The following KCNG4 variants were observed in gnomAD, a reference collection of about 807,000 sequenced individuals.
The protein encoded by KCNG4 is potassium voltage-gated channel modifier subfamily G member 4.
Under a neutral mutation model 28.2 loss-of-function variants are expected in KCNG4, and 30 were observed. That is an observed-to-expected ratio of 1.06 (90% CI 0.80 to 1.44). The LOEUF is 1.44. Among genes scored for constraint, KCNG4 ranks in the 40% most tolerant of loss-of-function variants. The pLI is 0.00. For synonymous variants in KCNG4, 375 were observed against 315.5 expected, an observed-to-expected ratio of 1.19 and a Z score of -2.00; for missense variants, 879 against 712.3, an observed-to-expected ratio of 1.23 and a Z score of -2.66.
chr16:84,225,059 G>A (rs1339617524), intron 2 of KCNG4, among the ~76,000 whole-genome samples: 1 of 152,136 alleles, frequency 6.6e-6, no homozygotes, highest in East Asian at 1.9e-4. Flanking sequence ...TAACAGGACC[G>A]TGCACCTAGC....
intron 2 of KCNG4, among the ~76,000 whole-genome samples, chr16:84,233,991 G>A (rs1904883651): frequency 6.6e-6 from 1 of 152,168 alleles, no homozygotes; most frequent in South Asian, 2.1e-4. Flanking sequence ...TGCTGCCACA[G>A]GGATGAAATC....
chr16:84,222,832 C>T lies in KCNG4; in HGVS notation c.945G>A (p.Glu315=), dbSNP rs1385896843. 2 of 1,610,162 alleles carry T rather than the reference C, an allele frequency of 1.2e-6. No homozygotes were observed. Among genetic ancestry groups the T allele is most frequent in the African/African-American group, 2.7e-5 (2 of 74,868 alleles). Residue 315 remains glutamate, a synonymous_variant, in exon 3 of 3, where the codon GAG becomes GAA. Coordinates refer to ENST00000308251, the MANE Select transcript of KCNG4 (RefSeq NM_172347.3). ...TCGGCCTCTCGCCGTCCTCCGGGGG[C>T]TCCTCAGACACCGCCAGCGACACGT... The part of the protein sequence containing the change: ...PYYVSLAVSE[E]PPEDGERPSG...
At position 84,238,437 on chromosome 16, in the gene KCNG4, T is replaced by G. The variant is rs563968291; in HGVS notation, c.-40-912A>C. ...GGTCGCTTCCCCATTTGGGGAGGCC[T>G]TTGCTAAGGGGACGGAGGAGCATTG... is the stretch of plus-strand genomic sequence containing the variant. On this transcript the variant is annotated intron_variant, in intron 1 of 2. Transcript: ENST00000308251. Among the ~76,000 whole-genome samples the G allele has an allele frequency of 1.3e-3, 202 of 152,282 alleles. 1 individual carries two copies. Among genetic ancestry groups the G allele is most frequent in the African/African-American group, 4.6e-3 (191 of 41,560 alleles).
intron 2 of KCNG4, among the ~76,000 whole-genome samples, chr16:84,223,302 T>C: frequency 6.6e-6 from 1 of 151,572 alleles, no homozygotes; most frequent in Non-Finnish European, 1.5e-5. Context: ...TGGATCTAAC[T>C]CTTGCACACT....
chr16:84,222,859 G>A lies in KCNG4; in HGVS notation c.918C>T (p.Tyr306=). 1 of 1,612,512 alleles carries A rather than the reference G, an allele frequency of 6.2e-7. No individual in the cohort carries two copies. Among genetic ancestry groups the A allele is most frequent in the South Asian group, 1.1e-5 (1 of 90,932 alleles). The part of the protein sequence containing the change: ...NIIDILAISP[Y]YVSLAVSEEP... ...CCTCAGACACCGCCAGCGACACGTA[G>A]TATGGGGAGATGGCCAGGATGTCGA... Residue 306 remains tyrosine, a synonymous_variant, in exon 3 of 3, where the codon TAC becomes TAT. Coordinates refer to ENST00000308251, the MANE Select transcript of KCNG4 (RefSeq NM_172347.3).
intron 2 of KCNG4, among the ~76,000 whole-genome samples, chr16:84,228,533 A>C: frequency 6.2e-5 from 9 of 144,738 alleles, no homozygotes; most frequent in Admixed American, 6.9e-5. Flanking sequence ...CCCCTCCTTT[A>C]CTCCGCTCCC....
At position 84,218,749 on chromosome 16, in the gene KCNG4, A is replaced by T. The variant is rs921447706; in HGVS notation, c.*3468T>A. The T allele has an allele frequency of 6.6e-6, 1 of 152,242 alleles. No homozygotes were observed. Among genetic ancestry groups the T allele is most frequent in the Non-Finnish European group, 1.5e-5 (1 of 68,042 alleles). 9.4% of individuals were successfully genotyped at this position (152,242 alleles called of 1,614,324 possible). A position where few individuals can be genotyped will look rare whatever the true frequency, so the allele number is the denominator to read the frequency against. ...CAATTTTCCATGTCTAATTTAGCAG[A>T]GAATCTCAACTGGGTGAACATTAAG... On this transcript the variant is annotated 3_prime_UTR_variant, in exon 3 of 3. Transcript: ENST00000308251.
chr16:84,220,717 A>C lies in KCNG4; in HGVS notation c.*1500T>G, dbSNP rs1904537501. 6.6e-6 allele frequency: 1 copy of C among 152,248 alleles called. No individual in the cohort carries two copies. 9.4% of individuals were successfully genotyped at this position (152,248 alleles called of 1,614,324 possible). On this transcript the variant is annotated 3_prime_UTR_variant, in exon 3 of 3. Coordinates refer to ENST00000308251, the MANE Select transcript of KCNG4 (RefSeq NM_172347.3). The stretch of plus-strand genomic sequence containing the variant: ...GCCACTCTGGGGAAGTGCCATCAGG[A>C]TGTCTCCAAGGTGTGTCCTGCTGGG...
intron 2 of KCNG4, among the ~76,000 whole-genome samples, chr16:84,223,652 G>A (rs533897074): frequency 6.6e-6 from 1 of 152,270 alleles, no homozygotes; most frequent in South Asian, 2.1e-4. Context: ...GATGGCCCAG[G>A]AAGTTGGTCA....
intron 2 of KCNG4, among the ~76,000 whole-genome samples, chr16:84,228,824 G>A (rs1033807076): frequency 6.6e-6 from 1 of 152,254 alleles, no homozygotes; most frequent in Non-Finnish European, 1.5e-5. Flanking sequence ...GCTGAGGGAT[G>A]CTGCAGTGTA....
chr16:84,231,672 G>A (rs573808195), intron 2 of KCNG4, among the ~76,000 whole-genome samples: 12 of 152,268 alleles, frequency 7.9e-5, no homozygotes, highest in African/African-American at 2.6e-4. Flanking sequence ...GAGGTCCAGG[G>A]GTAGACGTGA....
In KCNG4 at chr16:84,237,022, G is replaced by A. The variant is rs998418423; in HGVS notation, c.464C>T (p.Ala155Val). ...CCGCAGGCAGCACCTCTCCAGGTGG[G>A]CCTCCTCGATGCCCCAGTAGGCCAG... is the stretch of plus-strand genomic sequence containing the variant. Reference protein sequence around the residue: ...EELAYWGIEEAHLERCCLRKL... With the variant: ...EELAYWGIEEVHLERCCLRKL... Residue 155 changes from alanine (A) to valine (V), a missense_variant, in exon 2 of 3, where the codon GCC (alanine) becomes GTC (valine). Ala to Val is a moderately conservative substitution (Grantham distance 64). Transcript: ENST00000308251. 1 of 1,613,748 alleles carries A rather than the reference G, an allele frequency of 6.2e-7. No individual in the cohort carries two copies. The highest frequency in any genetic ancestry group is 1.3e-5 in the African/African-American group (1 of 74,874).
Position 84,222,894 on chromosome 16 carries a change from G to T in KCNG4, c.883C>A (p.Leu295Met), listed in dbSNP as rs1275574436. 1 of 1,611,936 alleles carries T rather than the reference G, an allele frequency of 6.2e-7. No individual in the cohort carries two copies. Among genetic ancestry groups the T allele is most frequent in the South Asian group, 1.1e-5 (1 of 90,854 alleles). The change falls in exon 3 of 3, where the codon CTG becomes ATG. Residue 295 changes from leucine (L) to methionine (M), a missense_variant. Transcript: ENST00000308251. The part of the protein sequence containing the change: ...QDKCQFFQGP[L>M]NIIDILAISP... The stretch of plus-strand genomic sequence containing the variant: ...ATGGCCAGGATGTCGATGATGTTCA[G>T]GGGCCCCTGGAAGAACTGACACTTG...
intron 2 of KCNG4, among the ~76,000 whole-genome samples, chr16:84,225,614 C>T (rs958806726): frequency 6.6e-6 from 1 of 152,240 alleles, no homozygotes; most frequent in African/African-American, 2.4e-5. Context: ...TCTCCCTAGG[C>T]TTAAAATACT....
rs549034581 is a variant in KCNG4 at position 84,236,952 on chromosome 16, C to T, written c.534G>A (p.Leu178=). 9.9e-5 allele frequency: 159 copies of T among 1,613,530 alleles called. 1 individual carries two copies. The East Asian group carries it at 3.3e-3, about 33-fold the overall frequency. Residue 178 remains leucine, a synonymous_variant, in exon 2 of 3, where the codon CTG becomes CTA. Coordinates refer to ENST00000308251, the MANE Select transcript of KCNG4 (RefSeq NM_172347.3). ...KLEELEELAK[L]HREDVLRQQR... ...GCTGCCTCAGTACGTCCTCCCTGTG[C>T]AGCTTGGCCAGCTCCTCCAGCTCCT...
chr16:84,236,867 G>C lies in KCNG4; in HGVS notation c.619C>G (p.Leu207Val), dbSNP rs1904967421. Residue 207 changes from leucine to valine, a missense_variant, in exon 2 of 3, where the codon CTG becomes GTG. Physicochemically the swap from Leu to Val is conservative, Grantham distance 32. Coordinates refer to ENST00000308251, the MANE Select transcript of KCNG4 (RefSeq NM_172347.3). ...TGCGGGTTTTCCACCATCTCGCGCA[G>C]CCGGTTCATGCACAGGCCCCAGCGC... ...SSRWGLCMNR[L>V]REMVENPQSG... 6.2e-6 allele frequency: 10 copies of C among 1,613,588 alleles called. No homozygotes were observed. The highest frequency in any genetic ancestry group is 8.5e-6 in the Non-Finnish European group (10 of 1,180,018).
rs573590414 is a variant in KCNG4 at position 84,235,506 on chromosome 16, C to T, written c.756+1224G>A. 18 of 152,204 alleles carry T rather than the reference C, an allele frequency of 1.2e-4. No individual in the cohort carries two copies. In the East Asian group the frequency reaches 2.7e-3, roughly 23 times the overall value. The allele number at this position is 152,204 out of a possible 1,614,324, so 9.4% of individuals were successfully genotyped here. A position where few individuals can be genotyped will look rare whatever the true frequency, so the allele number is the denominator to read the frequency against. On this transcript the variant is annotated intron_variant, in intron 2 of 2. Coordinates refer to ENST00000308251, the MANE Select transcript of KCNG4 (RefSeq NM_172347.3). ...TGGGAAAACAAGCTGTTTAAAGGTC[C>T]AAATATTTTGTGGGTTTTTTTAGGG...
chr16:84,235,013 G>C (rs1041347183), intron 2 of KCNG4, among the ~76,000 whole-genome samples: 2 of 152,118 alleles, frequency 1.3e-5, no homozygotes, highest in Non-Finnish European at 2.9e-5. Context: ...AGATATTGTG[G>C]CTGGGCCCGG....
chr16:84,225,927 T>A (rs1016222977), intron 2 of KCNG4, among the ~76,000 whole-genome samples: 1 of 152,196 alleles, frequency 6.6e-6, no homozygotes, highest in Non-Finnish European at 1.5e-5. Flanking sequence ...GGGGTGTTTA[T>A]GGAGTGTGGG....
Sources: allele counts gnomAD v4.1 joint callset (sites outside exome capture counted in the v4.1 genomes callset), GRCh38; gene constraint gnomAD v4.1.1; transcripts MANE v1.5; gene names NCBI Gene and HGNC (gene_info 2026-07-23, HGNC 2026-07-21).